The following TRMT1L variants were observed in gnomAD, a reference collection of about 807,000 sequenced individuals.
TRMT1L encodes tRNA (guanine(27)-N(2))-dimethyltransferase.
Under a neutral mutation model 81.6 loss-of-function variants are expected in TRMT1L, and 28 were observed. That is an observed-to-expected ratio of 0.34 (90% CI 0.25 to 0.47). The LOEUF (loss-of-function observed/expected upper bound fraction) is 0.47. TRMT1L is among the 20% of genes least tolerant of loss of function. TRMT1L has a pLI of 1.00. For synonymous variants in TRMT1L, 301 were observed against 303.2 expected (o/e 0.99, Z 0.07); for missense variants, 739 against 877.1 (o/e 0.84, Z 1.99).
In TRMT1L at chr1:185,119,158, C is replaced by A. The variant is rs1018426102; in HGVS notation, c.*861G>T. On this transcript the variant is annotated 3_prime_UTR_variant, in exon 15 of 15. Coordinates refer to ENST00000367506, the MANE Select transcript of TRMT1L (RefSeq NM_030934.5). Reference sequence around the variant, plus strand: ...ACCAAACCAAGCAACAACAAAAAAACAACCCCCAAACCCAAAAACTCTCAT... The same window carrying A: ...ACCAAACCAAGCAACAACAAAAAAAAAACCCCCAAACCCAAAAACTCTCAT... The A allele has an allele frequency of 8.2e-5, 12 of 146,636 alleles. No homozygotes were observed. Among genetic ancestry groups the A allele is most frequent in the African/African-American group, 3.0e-4 (11 of 36,536 alleles). 9.1% of individuals were successfully genotyped at this position (146,636 alleles called of 1,614,324 possible). A position where few individuals can be genotyped will look rare whatever the true frequency, so the allele number is the denominator to read the frequency against.
In TRMT1L at chr1:185,151,884, A is replaced by G; in HGVS notation, c.287T>C (p.Phe96Ser). 1 of 1,606,082 alleles carries G rather than the reference A, an allele frequency of 6.2e-7. No individual in the cohort carries two copies. The highest frequency in any genetic ancestry group is 1.1e-5 in the South Asian group (1 of 89,574). Residue 96 changes from phenylalanine to serine, a missense_variant, in exon 2 of 15, where the codon TTT (phenylalanine) becomes TCT (serine). By Grantham distance (155) the Phe-to-Ser change is radical (BLOSUM62 -2). Coordinates refer to ENST00000367506, the MANE Select transcript of TRMT1L (RefSeq NM_030934.5). ...AGAGTCAAAATTTCCATCAGTTACAAAAGCTAAATTCTCTAGATCAGCAAG... is the reference window on the plus strand; with the variant it reads ...AGAGTCAAAATTTCCATCAGTTACAGAAGCTAAATTCTCTAGATCAGCAAG... ...RQLADLENLA[F>S]VTDGNFDSAS...
chr1:185,138,001 G>A (rs941153246), intron 9 of TRMT1L, among the ~76,000 whole-genome samples: 3 of 152,108 alleles, frequency 2.0e-5, no homozygotes, highest in African/African-American at 7.2e-5. Flanking sequence ...ATGCTTGGGA[G>A]GGTCTTCAGT....
chr1:185,129,160 T>TC lies in TRMT1L; in HGVS notation c.1514-414dup, dbSNP rs1196690509. Among the ~76,000 whole-genome samples, 33 of 152,238 alleles carry TC rather than the reference T, an allele frequency of 2.2e-4. 1 individual carries two copies. The South Asian group carries it at 6.8e-3, about 32-fold the overall frequency. ...AAAGTCTTATAAAGTTTACAAGAGA[T>TC]CCATATTTCAAAATTAACTGATTAA... On this transcript the variant is annotated intron_variant, in intron 10 of 14. Transcript: ENST00000367506.
chr1:185,143,066 G>T (rs1386702220), intron 7 of TRMT1L, among the ~76,000 whole-genome samples: 1 of 152,032 alleles, frequency 6.6e-6, no homozygotes, highest in Non-Finnish European at 1.5e-5. Flanking sequence ...ATGAAATGAT[G>T]TATCTGTTAT....
chr1:185,136,516 C>A lies in TRMT1L; in HGVS notation c.1513+1090G>T, dbSNP rs890858597. ...AGTTAACATTATACTAAAGTACTTG[C>A]ACAAATGAAAAGCATATCATATTTG... is the stretch of plus-strand genomic sequence containing the variant. On this transcript the variant is annotated intron_variant, in intron 10 of 14. Transcript: ENST00000367506. Among the ~76,000 whole-genome samples the A allele has an allele frequency of 8.5e-5, 13 of 152,148 alleles. 1 individual carries two copies. The highest frequency in any genetic ancestry group is 2.0e-4 in the Admixed American group (3 of 15,264).
intron 7 of TRMT1L, among the ~76,000 whole-genome samples, chr1:185,142,651 C>CAAAA (rs71695141): frequency 1.1e-5 from 1 of 90,816 alleles, no homozygotes; most frequent in Admixed American, 1.2e-4. Flanking sequence ...AGTATTATTG[C>CAAAA]AAAAAAAAAA....
chr1:185,124,910 T>C, intron 12 of TRMT1L, 34 bp downstream of exon 12: 3 of 1,586,322 alleles, frequency 1.9e-6, no homozygotes, highest in Non-Finnish European at 8.6e-7. Context: ...TGGTAAGCAG[T>C]TTAAAGCTAG....
intron 2 of TRMT1L, among the ~76,000 whole-genome samples, chr1:185,150,890 T>C (rs1192839103): frequency 6.6e-6 from 1 of 152,202 alleles, no homozygotes; most frequent in Non-Finnish European, 1.5e-5. Flanking sequence ...AAGTATGTGC[T>C]GTGGTATTCC....
At chr1:185,143,748 GA>G (rs1177218746) in intron 6 of TRMT1L, among the ~76,000 whole-genome samples, 157 bp downstream of exon 6, 2 of 151,770 alleles carry the variant, frequency 1.3e-5, no homozygotes, top group Non-Finnish European at 2.9e-5. Flanking sequence ...CGGCTTGTTA[GA>G]AAAAAAGAAA....
At chr1:185,132,704 C>G (rs956799867) in intron 10 of TRMT1L, among the ~76,000 whole-genome samples, 10 of 151,800 alleles carry the variant, frequency 6.6e-5, no homozygotes, top group African/African-American at 2.4e-4. Context: ...TAACACTACA[C>G]AAGAAAAGCA....
chr1:185,142,651 CAAAA>C (rs71695141), intron 7 of TRMT1L, among the ~76,000 whole-genome samples: 3 of 90,808 alleles, frequency 3.3e-5, no homozygotes, highest in African/African-American at 3.7e-5. Flanking sequence ...AGTATTATTG[CAAAA>C]AAAAAAAAAA....
In TRMT1L at chr1:185,123,881, T is replaced by C. The variant is rs1322080089; in HGVS notation, c.1798A>G (p.Thr600Ala). 2.6e-6 allele frequency: 4 copies of C among 1,515,200 alleles called. No individual in the cohort carries two copies. The South Asian group carries it at 5.1e-5, about 19-fold the overall frequency. 93.9% of individuals were successfully genotyped at this position (1,515,200 alleles called of 1,614,324 possible). Residue 600 changes from threonine (T) to alanine (A), a missense_variant, in exon 13 of 15, where the codon ACA (threonine) becomes GCA (alanine). Around this residue, in one of 4 missense-constraint regions of TRMT1L, gnomAD observed 196 missense variants for 232.6 expected, o/e 0.84. Coordinates refer to ENST00000367506, the MANE Select transcript of TRMT1L (RefSeq NM_030934.5). Reference sequence around the variant, plus strand: ...CCTTGTGCAATGTAATTATCTGTTGTGGTGTCATCTGTAGTTTTAATAAAT... The same window carrying C: ...CCTTGTGCAATGTAATTATCTGTTGCGGTGTCATCTGTAGTTTTAATAAAT... ...GVFIKTTDDTTTDNYIAQGKR... is the reference protein window; with the variant it reads ...GVFIKTTDDTATDNYIAQGKR...
At position 185,118,468 on chromosome 1, in the gene TRMT1L, A is replaced by G. The variant is rs1032295526; in HGVS notation, c.*1551T>C. 2.0e-5 allele frequency: 3 copies of G among 152,188 alleles called. No homozygotes were observed. The highest frequency in any genetic ancestry group is 4.4e-5 in the Non-Finnish European group (3 of 68,024). 9.4% of individuals were successfully genotyped at this position (152,188 alleles called of 1,614,324 possible). A position where few individuals can be genotyped will look rare whatever the true frequency, so the allele number is the denominator to read the frequency against. ...TAGCAAAATTTGAGACTGATATTCA[A>G]TAATATGTATTAAATCAGATAATCT... On this transcript the variant is annotated 3_prime_UTR_variant, in exon 15 of 15. Transcript: ENST00000367506.
Position 185,120,500 on chromosome 1 carries a change from T to C in TRMT1L, c.1832A>G (p.Lys611Arg), listed in dbSNP as rs749864131. The C allele has an allele frequency of 4.4e-6, 7 of 1,582,204 alleles. No individual in the cohort carries two copies. The South Asian group carries it at 6.0e-5, about 13-fold the overall frequency. ...TDNYIAQGKR[K>R]SNEMITNLGK... is the part of the protein sequence containing the mutation. ...TAAATTTGTGATCATTTCATTACTTTTTCTCTTTCCTGCAACATACACATA... is the reference window on the plus strand; with the variant it reads ...TAAATTTGTGATCATTTCATTACTTCTTCTCTTTCCTGCAACATACACATA... Residue 611 changes from lysine (K) to arginine (R), a missense_variant, in exon 14 of 15, where the codon AAA (lysine) becomes AGA (arginine). Around this residue, in one of 4 missense-constraint regions of TRMT1L, gnomAD observed 196 missense variants for 232.6 expected, o/e 0.84. Transcript: ENST00000367506.
Position 185,119,958 on chromosome 1 carries a change from T to C in TRMT1L, c.*61A>G. The C allele has an allele frequency of 6.7e-7, 1 of 1,502,792 alleles. No individual in the cohort carries two copies. The highest frequency in any genetic ancestry group is 9.0e-7 in the Non-Finnish European group (1 of 1,113,022). 93.1% of individuals were successfully genotyped at this position (1,502,792 alleles called of 1,614,324 possible). On this transcript the variant is annotated 3_prime_UTR_variant, in exon 15 of 15. Coordinates refer to ENST00000367506, the MANE Select transcript of TRMT1L (RefSeq NM_030934.5). Reference sequence around the variant, plus strand: ...TGAAAGAACAGAAAAAGAACTACAGTTGGTATAGAGAACTATTAGGCCATC... The same window carrying C: ...TGAAAGAACAGAAAAAGAACTACAGCTGGTATAGAGAACTATTAGGCCATC...
At position 185,143,336 on chromosome 1, in the gene TRMT1L, CAA is replaced by C. The variant is rs35115202; in HGVS notation, c.859+19_859+20del. ...AAATTGAATAAATAAAATGGGGTTC[CAA>C]AAAAGTGTCCTCACTTACCAGTGGC... is the stretch of plus-strand genomic sequence containing the variant. On this transcript the variant is annotated intron_variant, in intron 7 of 14. Transcript: ENST00000367506. The C allele has an allele frequency of 4.4e-6, 7 of 1,574,454 alleles. No individual in the cohort carries two copies. Among genetic ancestry groups the C allele is most frequent in the African/African-American group, 1.4e-5 (1 of 72,648 alleles).
chr1:185,132,727 C>A (rs1168493084), intron 10 of TRMT1L, among the ~76,000 whole-genome samples: 1 of 151,968 alleles, frequency 6.6e-6, no homozygotes, highest in Admixed American at 6.6e-5. Flanking sequence ...AGACTTCTCA[C>A]TGGAAGCTAG....
Position 185,156,070 on chromosome 1 carries a change from A to C in TRMT1L, c.235+408T>G, listed in dbSNP as rs528908955. Among the ~76,000 whole-genome samples, 6 of 152,346 alleles carry C rather than the reference A, an allele frequency of 3.9e-5. No individual in the cohort carries two copies. The South Asian group carries it at 1.2e-3, about 32-fold the overall frequency. ...TTAGAAATGTTGGCAGCTAGGATCT[A>C]CTACCGTAAACAGGTTGCCTCGGTT... On this transcript the variant is annotated intron_variant, in intron 1 of 14. Coordinates refer to ENST00000367506, the MANE Select transcript of TRMT1L (RefSeq NM_030934.5).
At chr1:185,154,794 T>C (rs535388397) in intron 1 of TRMT1L, among the ~76,000 whole-genome samples, 61 of 152,352 alleles carry the variant, frequency 4.0e-4, no homozygotes, top group African/African-American at 1.4e-3. Flanking sequence ...TTTAAGATAG[T>C]GCGTATCAGA....
Sources: gnomAD v4.1 joint callset for allele counts (sites outside exome capture counted in the v4.1 genomes callset) on GRCh38, gnomAD v4.1.1 for gene constraint, gnomAD v4.1.1 regional missense constraint, MANE v1.5 for transcripts, NCBI Gene and HGNC (gene_info 2026-07-23, HGNC 2026-07-21) for gene names.